Variants in KCNIP4 observed in about 807,000 individuals in gnomAD.
The protein encoded by KCNIP4 is Kv channel-interacting protein 4.
A neutral mutation model predicts 34.0 loss-of-function variants in KCNIP4; 12 were observed. The ratio of observed to expected loss-of-function variants is 0.35; its 90% CI spans 0.23 to 0.57. KCNIP4 has a LOEUF of 0.57. Among genes scored for constraint, KCNIP4 ranks in the 20% least tolerant of loss-of-function variants. The pLI is 0.83. For missense variants in KCNIP4, 238 were observed against 311.7 expected (o/e 0.76, Z 1.78); for synonymous variants, 124 against 102.2 (o/e 1.21, Z -1.29).
At chr4:21,819,311 C>T (rs1172120729) in intron 1 of KCNIP4, among the ~76,000 whole-genome samples, 1 of 152,164 alleles carries the variant, frequency 6.6e-6, no homozygotes, top group Admixed American at 6.5e-5. Context: ...AGCTCCCCAA[C>T]CCTCCCAGCC....
chr4:21,736,811 A>C (rs879663305), intron 1 of KCNIP4, among the ~76,000 whole-genome samples: 2 of 152,150 alleles, frequency 1.3e-5, no homozygotes, highest in Non-Finnish European at 2.9e-5. Flanking sequence ...GGGATTTGAC[A>C]CACAGTGTTC....
chr4:21,319,932 A>G (rs1186480619), intron 1 of KCNIP4, among the ~76,000 whole-genome samples: 1 of 152,212 alleles, frequency 6.6e-6, no homozygotes, highest in Non-Finnish European at 1.5e-5. Flanking sequence ...TGTTTTGCAA[A>G]TAGAAAAGGC....
intron 1 of KCNIP4, among the ~76,000 whole-genome samples, chr4:21,452,045 C>T (rs1369799967): frequency 1.3e-5 from 2 of 152,174 alleles, no homozygotes; most frequent in East Asian, 1.9e-4. Context: ...TCTTCCCCCC[C>T]AACTCCGCCT....
At chr4:21,061,913 A>G (rs1386997545) in intron 1 of KCNIP4, among the ~76,000 whole-genome samples, 2 of 152,188 alleles carry the variant, frequency 1.3e-5, no homozygotes, top group Non-Finnish European at 2.9e-5. Context: ...ACAGAGGGAC[A>G]ACCATGTGAA....
chr4:20,802,176 A>G (rs749342046), intron 3 of KCNIP4, among the ~76,000 whole-genome samples: 2 of 115,750 alleles, frequency 1.7e-5, no homozygotes, highest in Non-Finnish European at 3.6e-5. Context: ...TATATATGCT[A>G]TATATATGCT....
intron 1 of KCNIP4, among the ~76,000 whole-genome samples, chr4:21,040,853 T>TC (rs1232490627): frequency 2.6e-5 from 4 of 151,996 alleles, no homozygotes; most frequent in African/African-American, 9.7e-5. Flanking sequence ...AGAAGCGTTT[T>TC]TTTTTCTAAG....
At chr4:21,672,581 C>G (rs902980233) in intron 1 of KCNIP4, among the ~76,000 whole-genome samples, 1 of 152,180 alleles carries the variant, frequency 6.6e-6, no homozygotes, top group South Asian at 2.1e-4. Context: ...AGCATATTTA[C>G]TGGTAAGCAT....
intron 2 of KCNIP4, among the ~76,000 whole-genome samples, chr4:20,857,183 A>G (rs557833339): frequency 6.6e-6 from 1 of 152,266 alleles, no homozygotes; most frequent in African/African-American, 2.4e-5. Context: ...GGCTCTAAAA[A>G]CATAACTGAA....
At chr4:21,395,170 G>A (rs945553731) in intron 1 of KCNIP4, among the ~76,000 whole-genome samples, 48 of 152,262 alleles carry the variant, frequency 3.2e-4, no homozygotes, top group African/African-American at 9.4e-4. Flanking sequence ...TCTCATCTGA[G>A]CAGAAGCAGA....
chr4:21,540,632 G>A (rs933636760), intron 1 of KCNIP4, among the ~76,000 whole-genome samples: 2 of 152,076 alleles, frequency 1.3e-5, no homozygotes, highest in Non-Finnish European at 2.9e-5. Context: ...AATTTTAGTA[G>A]CTTATGAAAG....
intron 1 of KCNIP4, among the ~76,000 whole-genome samples, chr4:21,459,206 C>G (rs148008297): frequency 6.6e-6 from 1 of 152,144 alleles, no homozygotes; most frequent in East Asian, 1.9e-4. Flanking sequence ...CTGGCTTTCA[C>G]CTTTGTACTC....
rs1407273809 is a variant in KCNIP4 at position 20,728,987 on chromosome 4, A to AT, written c.*1094dup. 1.3e-5 allele frequency: 2 copies of AT among 152,206 alleles called. No homozygotes were observed. The highest frequency in any genetic ancestry group is 2.9e-5 in the Non-Finnish European group (2 of 68,026). The allele number at this position is 152,206 out of a possible 1,614,324, so 9.4% of individuals were successfully genotyped here. ...AATCTGGATTAGTTGTTGAGCACTT[A>AT]TTTTCTACTAAATCTTGGTAGTAGT... On this transcript the variant is annotated 3_prime_UTR_variant, in exon 9 of 9. Coordinates refer to ENST00000382152, the MANE Select transcript of KCNIP4 (RefSeq NM_025221.6).
chr4:21,538,662 G>T (rs1212017209), intron 1 of KCNIP4, among the ~76,000 whole-genome samples: 1 of 152,038 alleles, frequency 6.6e-6, no homozygotes. Context: ...TAATAAAATG[G>T]CACGAAGTAG....
chr4:21,486,339 A>G (rs984187786), intron 1 of KCNIP4, among the ~76,000 whole-genome samples: 7 of 152,172 alleles, frequency 4.6e-5, no homozygotes, highest in Admixed American at 2.0e-4. Flanking sequence ...ACACGGATTT[A>G]GTAATTCCAC....
chr4:20,803,963 T>A (rs1714748690), intron 3 of KCNIP4, among the ~76,000 whole-genome samples: 1 of 152,226 alleles, frequency 6.6e-6, no homozygotes, highest in Non-Finnish European at 1.5e-5. Context: ...TATCTAAGCC[T>A]TATCTATAAA....
intron 1 of KCNIP4, among the ~76,000 whole-genome samples, chr4:21,288,200 G>C (rs1578024216): frequency 6.6e-6 from 1 of 152,236 alleles, no homozygotes; most frequent in Non-Finnish European, 1.5e-5. Flanking sequence ...GATTAGCCAG[G>C]TGGGGCTGTT....
At chr4:21,269,937 G>A (rs1390838942) in intron 1 of KCNIP4, among the ~76,000 whole-genome samples, 2 of 152,098 alleles carry the variant, frequency 1.3e-5, no homozygotes, top group African/African-American at 4.8e-5. Context: ...AGACAGTTTG[G>A]CGAAAGATCC....
intron 1 of KCNIP4, among the ~76,000 whole-genome samples, chr4:21,936,738 C>T (rs1729883568): frequency 6.6e-6 from 1 of 152,026 alleles, no homozygotes; most frequent in Non-Finnish European, 1.5e-5. Context: ...GCCACCAATC[C>T]TCACCTTCCA....
intron 1 of KCNIP4, among the ~76,000 whole-genome samples, chr4:21,142,285 G>A (rs966065482): frequency 2.0e-5 from 3 of 152,032 alleles, no homozygotes; most frequent in Non-Finnish European, 2.9e-5. Context: ...TTATTTGTTC[G>A]GTGAATAGTT....
Sources: gnomAD v4.1 joint callset for allele counts (sites outside exome capture counted in the v4.1 genomes callset) on GRCh38, gnomAD v4.1.1 for gene constraint, MANE v1.5 for transcripts, NCBI Gene and HGNC (gene_info 2026-07-23, HGNC 2026-07-21) for gene names.